The following IL1RAPL1 variants were observed in gnomAD, a reference collection of about 807,000 sequenced individuals.
IL1RAPL1 encodes interleukin-1 receptor accessory protein-like 1.
In IL1RAPL1, 3 loss-of-function variants were observed where a neutral mutation model predicts 48.4. The ratio of observed to expected loss-of-function variants is 0.06; its 90% CI spans 0.03 to 0.16. The LOEUF (loss-of-function observed/expected upper bound fraction) is 0.16, where lower values mean the gene tolerates loss of function less well. IL1RAPL1 is among the 10% of genes least tolerant of loss of function. The pLI, the probability that IL1RAPL1 is intolerant of heterozygous loss-of-function variation, is 1.00. For missense variants in IL1RAPL1, 349 were observed against 530.6 expected, an observed-to-expected ratio of 0.66 and a Z score of 3.36; for synonymous variants, 185 against 187.7, an observed-to-expected ratio of 0.99 and a Z score of 0.12.
intron 3 of IL1RAPL1, among the ~76,000 whole-genome samples, chrX:29,379,042 G>A (rs1192149719): frequency 8.9e-6 from 1 of 112,285 alleles, no homozygotes; most frequent in Non-Finnish European, 1.9e-5. Context: ...CCACTAGAGT[G>A]TTGCATACAG....
intron 6 of IL1RAPL1, among the ~76,000 whole-genome samples, chrX:29,699,883 G>T (rs1258768148): frequency 8.9e-6 from 1 of 112,222 alleles, no homozygotes; most frequent in Non-Finnish European, 1.9e-5. Context: ...TTCATAAGTT[G>T]ATTTTTAAAA....
chrX:28,884,130 C>T (rs1922573227), intron 2 of IL1RAPL1, among the ~76,000 whole-genome samples: 1 of 111,381 alleles, frequency 9.0e-6, no homozygotes, highest in African/African-American at 3.3e-5. Flanking sequence ...ACATATGTAA[C>T]TAACCTGCAC....
At chrX:29,541,518 A>G (rs941779957) in intron 5 of IL1RAPL1, among the ~76,000 whole-genome samples, 39 of 111,988 alleles carry the variant, frequency 3.5e-4, no homozygotes, top group Non-Finnish European at 5.3e-4. Flanking sequence ...TAGCAAAGAC[A>G]TGGAAACAAC....
At chrX:29,197,258 C>T (rs1930462479) in intron 2 of IL1RAPL1, among the ~76,000 whole-genome samples, 1 of 111,424 alleles carries the variant, frequency 9.0e-6, no homozygotes, top group African/African-American at 3.3e-5. Flanking sequence ...AAATCATTTC[C>T]AAAGAAACAA....
chrX:29,127,403 C>T (rs1464322749), intron 2 of IL1RAPL1, among the ~76,000 whole-genome samples: 1 of 111,798 alleles, frequency 8.9e-6, no homozygotes, highest in African/African-American at 3.3e-5. Context: ...CCAGGGACCA[C>T]ACTTTGAGAA....
chrX:29,545,973 G>T (rs1921614661), intron 5 of IL1RAPL1, among the ~76,000 whole-genome samples: 1 of 111,305 alleles, frequency 9.0e-6, no homozygotes, highest in South Asian at 3.8e-4. Flanking sequence ...CCCGGGGCAG[G>T]CATTTTTGCT....
intron 5 of IL1RAPL1, among the ~76,000 whole-genome samples, chrX:29,640,648 A>T (rs1925137242): frequency 9.0e-6 from 1 of 111,502 alleles, no homozygotes; most frequent in African/African-American, 3.3e-5. Context: ...CCCCTCCCTT[A>T]CTTTGTATCC....
intron 5 of IL1RAPL1, among the ~76,000 whole-genome samples, chrX:29,416,334 A>C (rs1934215470): frequency 1.8e-5 from 2 of 111,506 alleles, no homozygotes; most frequent in Admixed American, 1.9e-4. Flanking sequence ...AGATCACCTG[A>C]GATCAGGAGT....
chrX:29,428,816 T>C (rs1934380397), intron 5 of IL1RAPL1, among the ~76,000 whole-genome samples: 2 of 111,357 alleles, frequency 1.8e-5, no homozygotes, highest in South Asian at 7.6e-4. Flanking sequence ...AATTCCCAAA[T>C]CCTTAGTTGG....
intron 2 of IL1RAPL1, among the ~76,000 whole-genome samples, chrX:29,089,576 T>A (rs747645041): frequency 9.5e-6 from 1 of 105,013 alleles, no homozygotes; most frequent in South Asian, 4.4e-4. Flanking sequence ...CCTTTTTTTT[T>A]ATTTCATATT....
At chrX:29,942,812 G>C (rs1933153146) in intron 9 of IL1RAPL1, among the ~76,000 whole-genome samples, 1 of 110,130 alleles carries the variant, frequency 9.1e-6, no homozygotes, top group South Asian at 3.9e-4. Context: ...ATAGAGACAG[G>C]GTTTCACCAT....
intron 2 of IL1RAPL1, among the ~76,000 whole-genome samples, chrX:29,003,152 A>G (rs1925897075): frequency 8.9e-6 from 1 of 111,778 alleles, no homozygotes; most frequent in Non-Finnish European, 1.9e-5. Context: ...GGCATAAAAT[A>G]TGCTTGCTAT....
chrX:28,951,231 T>C (rs996046613), intron 2 of IL1RAPL1, among the ~76,000 whole-genome samples: 2 of 106,863 alleles, frequency 1.9e-5, no homozygotes, highest in Admixed American at 1.0e-4. Flanking sequence ...ATGTAACTAA[T>C]CTGCACAATG....
intron 3 of IL1RAPL1, among the ~76,000 whole-genome samples, chrX:29,319,196 A>ATCTATCTATCTG (rs1932784485): frequency 1.9e-5 from 2 of 104,442 alleles, no homozygotes; most frequent in Admixed American, 1.1e-4. Context: ...CTATCTATCT[A>ATCTATCTATCTG]TCTATCTATA....
At chrX:29,699,154 A>T (rs1041638875) in intron 6 of IL1RAPL1, among the ~76,000 whole-genome samples, 1 of 112,658 alleles carries the variant, frequency 8.9e-6, no homozygotes, top group Non-Finnish European at 1.9e-5. Context: ...TGAAAAGTCT[A>T]TGTGCCAACC....
intron 2 of IL1RAPL1, among the ~76,000 whole-genome samples, chrX:29,038,108 G>A (rs1047536975): frequency 9.0e-6 from 1 of 111,271 alleles, no homozygotes; most frequent in African/African-American, 3.3e-5. Flanking sequence ...TTTCGCAGAG[G>A]GGCAATGGTT....
At chrX:29,747,072 C>T (rs1298170512) in intron 6 of IL1RAPL1, among the ~76,000 whole-genome samples, 1 of 112,675 alleles carries the variant, frequency 8.9e-6, no homozygotes, top group Non-Finnish European at 1.9e-5. Flanking sequence ...GATCAGACTT[C>T]ACACACAAAG....
chrX:29,285,626 A>G (rs1417365959), intron 3 of IL1RAPL1, among the ~76,000 whole-genome samples: 2 of 107,259 alleles, frequency 1.9e-5, no homozygotes, highest in Admixed American at 2.0e-4. Context: ...CACTTGCCAT[A>G]TGTTCATATG....
At chrX:29,183,437 C>T (rs1211659083) in intron 2 of IL1RAPL1, among the ~76,000 whole-genome samples, 2 of 111,454 alleles carry the variant, frequency 1.8e-5, no homozygotes, top group African/African-American at 6.5e-5. Flanking sequence ...CCTAAGCATC[C>T]TTATGGTCTC....
Sources: gnomAD v4.1 joint callset for allele counts (sites outside exome capture counted in the v4.1 genomes callset) on GRCh38, gnomAD v4.1.1 for gene constraint, MANE v1.5 for transcripts, NCBI Gene and HGNC (gene_info 2026-07-23, HGNC 2026-07-21) for gene names.